The following SLC25A14 variants were observed in gnomAD, a reference collection of about 807,000 sequenced individuals.
SLC25A14 encodes the protein solute carrier family 25 member 14, also known as brain mitochondrial carrier protein 1.
SLC25A14 carries 8 observed loss-of-function variants against 28.1 expected under a neutral mutation model. The observed-to-expected ratio is 0.28, with a 90% CI of 0.17 to 0.51. The LOEUF (loss-of-function observed/expected upper bound fraction) is 0.51, where lower values mean the gene tolerates loss of function less well. Ranked by LOEUF, SLC25A14 falls within the 20% of genes least tolerant of loss-of-function variation. The probability of loss-of-function intolerance (pLI) is 0.97; values close to 1 mark genes in which losing one functional copy is unlikely to be tolerated. For synonymous variants in SLC25A14, 74 were observed against 90.6 expected (o/e 0.82, Z 1.04); for missense variants, 135 against 263.8 (o/e 0.51, Z 3.38).
chrX:130,372,308 G>A lies in SLC25A14; in HGVS notation c.937-601G>A, dbSNP rs183577440. ...GTTCTTGGTTACTGTGTGTGTGTGC[G>A]TGTGTGCGTTTGTCCTGTTTCCCCC... is the stretch of plus-strand genomic sequence containing the variant. On this transcript the variant is annotated intron_variant, in intron 10 of 10. Transcript: ENST00000545805. Among the ~76,000 whole-genome samples, 31 of 111,081 alleles carry A rather than the reference G, an allele frequency of 2.8e-4. No individual in the cohort carries two copies. In the East Asian group the frequency reaches 7.6e-3, roughly 27 times the overall value.
chrX:130,354,255 A>G (rs1285596803), intron 6 of SLC25A14, among the ~76,000 whole-genome samples: 1 of 110,223 alleles, frequency 9.1e-6, no homozygotes, highest in African/African-American at 3.3e-5. Flanking sequence ...CTGGGACTAC[A>G]GGCGCCCGCC....
chrX:130,369,180 T>TA (rs2034202446), intron 9 of SLC25A14, among the ~76,000 whole-genome samples: 2 of 111,515 alleles, frequency 1.8e-5, no homozygotes, highest in Non-Finnish European at 3.8e-5. Flanking sequence ...TCCTGTAGTC[T>TA]TAGCTACTCG....
At position 130,339,966 on chromosome X, in the gene SLC25A14, A is replaced by T; in HGVS notation, c.-183A>T. 4.6e-6 allele frequency: 4 copies of T among 871,725 alleles called. No individual in the cohort carries two copies. The highest frequency in any genetic ancestry group is 5.6e-6 in the Non-Finnish European group (4 of 715,475). The allele number at this position is 871,725 out of a possible 1,213,427, so 71.8% of individuals were successfully genotyped here. On this transcript the variant is annotated 5_prime_UTR_variant, in exon 1 of 11. Coordinates refer to ENST00000545805, the MANE Select transcript of SLC25A14 (RefSeq NM_001282195.2). ...GCCTCAGCTTCCCAGTCGTCCGATGAGCCCGAGCAGGTGAGGGGGAGCTCC... is the reference window on the plus strand; with the variant it reads ...GCCTCAGCTTCCCAGTCGTCCGATGTGCCCGAGCAGGTGAGGGGGAGCTCC...
At chrX:130,358,306 T>G (rs938170016) in intron 6 of SLC25A14, among the ~76,000 whole-genome samples, 3 of 111,941 alleles carry the variant, frequency 2.7e-5, no homozygotes, top group Admixed American at 1.9e-4. Flanking sequence ...TTAAGTTGTT[T>G]CTAATTTTTC....
At chrX:130,355,786 A>G (rs1169637750) in intron 6 of SLC25A14, among the ~76,000 whole-genome samples, 1 of 111,797 alleles carries the variant, frequency 8.9e-6, no homozygotes, top group Non-Finnish European at 1.9e-5. Context: ...TCCTGTCCAT[A>G]TACCTTTTAT....
intron 7 of SLC25A14, among the ~76,000 whole-genome samples, chrX:130,364,055 C>T (rs1300598762): frequency 8.9e-6 from 1 of 111,869 alleles, no homozygotes; most frequent in Non-Finnish European, 1.9e-5. Context: ...AAAGAAAAAT[C>T]GTTATAGCCA....
intron 10 of SLC25A14, 68 bp downstream of exon 10, chrX:130,371,712 A>C: frequency 2.5e-6 from 2 of 802,814 alleles, no homozygotes; most frequent in Non-Finnish European, 3.8e-6. Context: ...GGGAAGGAAA[A>C]TTTGATTATT....
intron 10 of SLC25A14, among the ~76,000 whole-genome samples, chrX:130,372,442 GT>G (rs1047476701): frequency 2.3e-5 from 2 of 87,063 alleles, no homozygotes; most frequent in African/African-American, 7.3e-5. Flanking sequence ...GACAGGTGGT[GT>G]TTTATTTATT....
At chrX:130,369,102 C>T (rs1488267974) in intron 9 of SLC25A14, among the ~76,000 whole-genome samples, 1 of 111,879 alleles carries the variant, frequency 8.9e-6, no homozygotes, top group East Asian at 2.8e-4. Flanking sequence ...CCAGTTCTCA[C>T]GTTGTGAAGA....
intron 6 of SLC25A14, among the ~76,000 whole-genome samples, chrX:130,352,517 A>G (rs2033648443): frequency 8.9e-6 from 1 of 112,444 alleles, no homozygotes; most frequent in African/African-American, 3.2e-5. Flanking sequence ...AAGTGGCTGA[A>G]CTAATTTACA....
chrX:130,358,658 G>A lies in SLC25A14; in HGVS notation c.517G>A (p.Gly173Arg). The change falls in exon 7 of 11, where the codon GGA becomes AGA. Residue 173 changes from glycine to arginine, a missense_variant. Physicochemically the swap from Gly to Arg is moderately radical, Grantham distance 125 (BLOSUM62 -2). Transcript: ENST00000545805. ...DVLKIRMQAQ[G>R]SLFQGSMIGS... ...ATTTTAGATTCGAATGCAGGCTCAA[G>A]GAAGCTTGTTCCAAGGGAGCATGAT... The A allele has an allele frequency of 8.3e-7, 1 of 1,203,845 alleles. No homozygotes were observed. The highest frequency in any genetic ancestry group is 1.1e-6 in the Non-Finnish European group (1 of 889,350).
chrX:130,350,615 C>A, intron 5 of SLC25A14, 31 bp from the exon 6 acceptor site: 1 of 961,547 alleles, frequency 1.0e-6, no homozygotes, highest in Non-Finnish European at 1.5e-6. Flanking sequence ...CTAATACAAG[C>A]AGACCTTTCT....
Position 130,339,948 on chromosome X carries a change from C to T in SLC25A14, c.-201C>T, listed in dbSNP as rs1471957954. On this transcript the variant is annotated 5_prime_UTR_variant, in exon 1 of 11. Transcript: ENST00000545805. ...GCGTTTCCGACTGTGGGAGCCTCAG[C>T]TTCCCAGTCGTCCGATGAGCCCGAG... The T allele has an allele frequency of 2.4e-6, 2 of 846,766 alleles. No individual in the cohort carries two copies. Among genetic ancestry groups the T allele is most frequent in the African/African-American group, 2.1e-5 (1 of 46,544 alleles). The allele number at this position is 846,766 out of a possible 1,213,427, so 69.8% of individuals were successfully genotyped here. A position where few individuals can be genotyped will look rare whatever the true frequency, so the allele number is the denominator to read the frequency against.
At chrX:130,356,823 G>T (rs766976902) in intron 6 of SLC25A14, among the ~76,000 whole-genome samples, 17 of 111,469 alleles carry the variant, frequency 1.5e-4, no homozygotes, top group Non-Finnish European at 2.6e-4. Flanking sequence ...AGTTTCTACA[G>T]ATTTTGCCTC....
At chrX:130,346,881 A>G (rs755265341) in intron 4 of SLC25A14, among the ~76,000 whole-genome samples, 190 bp downstream of exon 4, 3 of 111,359 alleles carry the variant, frequency 2.7e-5, no homozygotes, top group Non-Finnish European at 5.7e-5. Context: ...TTTGGTTATA[A>G]GTGATAATAA....
intron 2 of SLC25A14, among the ~76,000 whole-genome samples, chrX:130,342,168 C>T (rs1371502775): frequency 8.9e-6 from 1 of 111,875 alleles, no homozygotes; most frequent in Non-Finnish European, 1.9e-5. Flanking sequence ...GAAGTTGACC[C>T]TCATCCTAGT....
chrX:130,345,308 T>C, intron 3 of SLC25A14, 33 bp downstream of exon 3: 1 of 884,602 alleles, frequency 1.1e-6, no homozygotes, highest in Non-Finnish European at 1.7e-6. Flanking sequence ...ATCTGCATTA[T>C]ACGGTATAGA....
intron 10 of SLC25A14, among the ~76,000 whole-genome samples, chrX:130,372,217 G>C (rs1233470099): frequency 8.9e-6 from 1 of 111,759 alleles, no homozygotes; most frequent in Admixed American, 9.5e-5. Context: ...TGTAGACAGA[G>C]AGAGGGTATC....
At chrX:130,346,746 T>C in intron 4 of SLC25A14, 55 bp downstream of exon 4, 1 of 1,044,643 alleles carries the variant, frequency 9.6e-7, no homozygotes, top group Non-Finnish European at 1.3e-6. Flanking sequence ...AAAGAAGCCA[T>C]AGTTTTCAGC....
Sources: gnomAD v4.1 joint callset for allele counts (sites outside exome capture counted in the v4.1 genomes callset) on GRCh38, gnomAD v4.1.1 for gene constraint, MANE v1.5 for transcripts, NCBI Gene and HGNC (gene_info 2026-07-23, HGNC 2026-07-21) for gene names.